CLIC5: variants seen among roughly 807,000 people sequenced by gnomAD.
CLIC5 encodes the protein chloride intracellular channel protein 5.
A neutral mutation model predicts 24.7 loss-of-function variants in CLIC5; 20 were observed. The observed-to-expected ratio is 0.81, with a 90% CI of 0.57 to 1.18. The LOEUF (loss-of-function observed/expected upper bound fraction) is 1.18. Among genes scored for constraint, CLIC5 ranks in the 50% most tolerant of loss-of-function variants. The pLI is 0.00. For missense variants in CLIC5, 341 were observed against 326.1 expected (o/e 1.05, Z -0.35); for synonymous variants, 159 against 135.6 (o/e 1.17, Z -1.20).
chr6:46,073,765 C>A (rs1030285099), intron 1 of CLIC5, among the ~76,000 whole-genome samples: 4 of 152,224 alleles, frequency 2.6e-5, no homozygotes, highest in Non-Finnish European at 4.4e-5. Flanking sequence ...ACCAAATGGA[C>A]CTTGCCATAC....
intron 1 of CLIC5, among the ~76,000 whole-genome samples, chr6:45,958,458 A>ATC (rs1764737360): frequency 1.5e-5 from 2 of 134,330 alleles, no homozygotes; most frequent in Middle Eastern, 3.7e-3. Context: ...ATATATATAT[A>ATC]TATATATATA....
intron 1 of CLIC5, among the ~76,000 whole-genome samples, chr6:46,041,122 T>C (rs1390019922): frequency 6.6e-6 from 1 of 152,190 alleles, no homozygotes; most frequent in East Asian, 1.9e-4. Flanking sequence ...TGAGGAAATA[T>C]GCATATGAAA....
chr6:45,959,716 T>C (rs1764785549), intron 1 of CLIC5, among the ~76,000 whole-genome samples: 1 of 152,182 alleles, frequency 6.6e-6, no homozygotes, highest in African/African-American at 2.4e-5. Flanking sequence ...AACTGCTTAG[T>C]GAGGGAGGCA....
intron 2 of CLIC5, among the ~76,000 whole-genome samples, chr6:45,954,794 C>T (rs144680327): frequency 2.6e-5 from 4 of 152,336 alleles, no homozygotes; most frequent in East Asian, 1.9e-4. Flanking sequence ...TAGGGTCCCA[C>T]GGATGATGGC....
chr6:45,911,506 C>T (rs1462179510), intron 5 of CLIC5: 1 of 719,462 alleles, frequency 1.4e-6, no homozygotes, highest in Non-Finnish European at 1.7e-6. Context: ...GGAGTGGTGG[C>T]CTGACCAAGA....
At chr6:46,125,223 T>C in the CLIC5 span, among the ~76,000 whole-genome samples, 2 of 152,160 alleles carry the variant, frequency 1.3e-5, no homozygotes, top group Admixed American at 6.5e-5. Context: ...GTGGCACATA[T>C]ACACCACAGA....
upstream of CLIC5, chr6:46,018,635 G>A (rs1767086628): frequency 6.6e-6 from 1 of 152,170 alleles, no homozygotes; most frequent in African/African-American, 2.4e-5. Flanking sequence ...GTCAATTCTA[G>A]CTTTGTCTGG....
chr6:46,094,551 G>T, the CLIC5 span, among the ~76,000 whole-genome samples: 1 of 152,294 alleles, frequency 6.6e-6, no homozygotes, highest in South Asian at 2.1e-4. Context: ...AAACCAGCAG[G>T]GCAGTCATTA....
At chr6:45,915,594 C>T (rs1763000051) in intron 4 of CLIC5, among the ~76,000 whole-genome samples, 1 of 152,160 alleles carries the variant, frequency 6.6e-6, no homozygotes, top group Admixed American at 6.5e-5. Flanking sequence ...TGTGCAACCC[C>T]CAGCTGCACA....
intron 1 of CLIC5, among the ~76,000 whole-genome samples, chr6:45,960,385 CAG>C (rs1764806924): frequency 6.6e-6 from 1 of 152,206 alleles, no homozygotes. Flanking sequence ...TCTGTGAGAA[CAG>C]GGGGAATTTC....
At chr6:46,121,396 C>T in the CLIC5 span, among the ~76,000 whole-genome samples, 2 of 152,102 alleles carry the variant, frequency 1.3e-5, no homozygotes, top group Non-Finnish European at 2.9e-5. Flanking sequence ...GATTTTGTCA[C>T]CACCAGGCCT....
chr6:46,061,880 A>C (rs1484765061), intron 1 of CLIC5, among the ~76,000 whole-genome samples: 4 of 152,166 alleles, frequency 2.6e-5, no homozygotes, highest in Admixed American at 6.5e-5. Flanking sequence ...TTTTATATTC[A>C]GACAAGAATA....
intron 1 of CLIC5, among the ~76,000 whole-genome samples, chr6:45,969,237 GA>G (rs1765114864): frequency 6.6e-6 from 1 of 152,170 alleles, no homozygotes; most frequent in Admixed American, 6.5e-5. Flanking sequence ...CAGGCAGCTG[GA>G]TCTGCAGGGG....
chr6:46,105,779 A>C, the CLIC5 span, among the ~76,000 whole-genome samples: 1 of 152,210 alleles, frequency 6.6e-6, no homozygotes, highest in Non-Finnish European at 1.5e-5. Context: ...TTGTACTCTA[A>C]GAGAGAACTT....
intron 1 of CLIC5, among the ~76,000 whole-genome samples, chr6:46,036,814 T>A (rs939564030): frequency 3.3e-5 from 5 of 152,232 alleles, no homozygotes; most frequent in African/African-American, 9.6e-5. Flanking sequence ...TTTTGTAGTA[T>A]AAGAATTGTG....
chr6:45,922,776 G>A (rs1327313468), intron 4 of CLIC5, among the ~76,000 whole-genome samples: 1 of 150,674 alleles, frequency 6.6e-6, no homozygotes. Flanking sequence ...TAAGCTGCCT[G>A]AATGTTTATT....
At chr6:46,117,313 C>T in the CLIC5 span, among the ~76,000 whole-genome samples, 1 of 152,182 alleles carries the variant, frequency 6.6e-6, no homozygotes, top group Non-Finnish European at 1.5e-5. Flanking sequence ...TAGAAGTCCT[C>T]AGACACCACA....
At chr6:45,889,103 A>G (rs1762328435) in intron 6 of CLIC5, among the ~76,000 whole-genome samples, 1 of 152,178 alleles carries the variant, frequency 6.6e-6, no homozygotes. Context: ...GGCTGCTATA[A>G]CAAAATGTCA....
chr6:46,082,809 C>A (rs575960827), upstream of CLIC5, among the ~76,000 whole-genome samples: 5 of 152,144 alleles, frequency 3.3e-5, no homozygotes, highest in African/African-American at 7.2e-5. Context: ...ACTTTCCCCC[C>A]CTTTTCCATA....
Sources: allele counts gnomAD v4.1 joint callset (sites outside exome capture counted in the v4.1 genomes callset), GRCh38; gene constraint gnomAD v4.1.1; transcripts MANE v1.5; gene names NCBI Gene and HGNC (gene_info 2026-07-23, HGNC 2026-07-21).